FER1L5: variants seen among roughly 807,000 people sequenced by gnomAD.
FER1L5 encodes fer-1 like family member 5.
A neutral mutation model predicts 279.9 loss-of-function variants in FER1L5; 187 were observed. The ratio of observed to expected loss-of-function variants is 0.67; its 90% CI spans 0.59 to 0.75. FER1L5 has a LOEUF of 0.75. Among genes scored for constraint, FER1L5 ranks in the 30% least tolerant of loss-of-function variants. The pLI is 0.00. For synonymous variants in FER1L5, 921 were observed against 989.7 expected, an observed-to-expected ratio of 0.93 and a Z score of 1.30; for missense variants, 2,091 against 2,594.4, an observed-to-expected ratio of 0.81 and a Z score of 4.21.
At chr2:96,693,736 T>A in intron 32 of FER1L5, 49 bp downstream of exon 32, 1 of 1,521,952 alleles carries the variant, frequency 6.6e-7, no homozygotes, top group East Asian at 2.5e-5. Flanking sequence ...CCTCACAGAG[T>A]GGCTGAGGGG....
At chr2:96,649,448 T>A (rs951084334) in intron 4 of FER1L5, among the ~76,000 whole-genome samples, 175 bp from the exon 5 acceptor site, 2 of 152,180 alleles carry the variant, frequency 1.3e-5, no homozygotes, top group African/African-American at 4.8e-5. Flanking sequence ...CACCCATTTA[T>A]AACCTCCCTC....
In FER1L5 at chr2:96,694,357, C is replaced by A; in HGVS notation, c.3637-3C>A. ...GGGCCTCATGCTCCCTGCCCTCCCC[C>A]AGAAGCTTGGAGAGAAGCAGCTGCC... On this transcript the variant is annotated splice_polypyrimidine_tract_variant and splice_region_variant and intron_variant, in intron 33 of 52. Coordinates refer to ENST00000624922, the MANE Select transcript of FER1L5 (RefSeq NM_001293083.2). The surrounding 1 kb of genome is among the most constrained non-coding windows in gnomAD (Gnocchi z 4.6). 2 of 1,546,468 alleles carry A rather than the reference C, an allele frequency of 1.3e-6. No homozygotes were observed. The highest frequency in any genetic ancestry group is 1.2e-5 in the South Asian group (1 of 82,978).
At chr2:96,666,660 T>A (rs572139026) in intron 14 of FER1L5, among the ~76,000 whole-genome samples, 116 of 143,264 alleles carry the variant, frequency 8.1e-4, no homozygotes, top group African/African-American at 2.7e-3. Flanking sequence ...TATTTATTTA[T>A]TTTTTTTTTT....
intron 50 of FER1L5, 39 bp from the exon 51 acceptor site, chr2:96,703,484 G>C (rs1268987208): frequency 6.2e-7 from 1 of 1,612,492 alleles, no homozygotes; most frequent in Non-Finnish European, 8.5e-7. Flanking sequence ...GGCTCCTGCT[G>C]TCTGCACTCA....
At chr2:96,671,378 AC>A (rs2076324665) in intron 18 of FER1L5, among the ~76,000 whole-genome samples, 1 of 152,090 alleles carries the variant, frequency 6.6e-6, no homozygotes, top group South Asian at 2.1e-4. Context: ...GGTTTCAGAG[AC>A]CCTTTGGAAA....
At chr2:96,679,011 T>C (rs968612325) in intron 19 of FER1L5, among the ~76,000 whole-genome samples, 31 of 152,154 alleles carry the variant, frequency 2.0e-4, no homozygotes, top group African/African-American at 7.2e-4. Context: ...CTAAGAACTC[T>C]TTGGTTAACT....
intron 19 of FER1L5, among the ~76,000 whole-genome samples, chr2:96,682,657 A>G (rs994391544): frequency 2.0e-5 from 3 of 152,218 alleles, no homozygotes; most frequent in African/African-American, 7.2e-5. Flanking sequence ...TACCTGGGAC[A>G]CTGCCAAGCA....
At chr2:96,685,558 C>T (rs2076889113) in intron 21 of FER1L5, 129 bp downstream of exon 21, 3 of 787,422 alleles carry the variant, frequency 3.8e-6, no homozygotes, top group Admixed American at 6.1e-5. Flanking sequence ...CAGACCTCTC[C>T]CCAGCGGGAA....
intron 19 of FER1L5, among the ~76,000 whole-genome samples, chr2:96,679,718 A>G (rs750380825): frequency 6.6e-6 from 1 of 152,068 alleles, no homozygotes; most frequent in Non-Finnish European, 1.5e-5. Context: ...GGCTCCATTT[A>G]TGGGTTTAGT....
rs762698691 is a variant in FER1L5, at chr2:96,702,015, G to A, written c.5131G>A (p.Val1711Ile). ...GAAGCTGGGGCCTCCTGGCCCCCAAGTCAACATCAACCCCAGAAAGCCTAA... is the reference window on the plus strand; with the variant it reads ...GAAGCTGGGGCCTCCTGGCCCCCAAATCAACATCAACCCCAGAAAGCCTAA... ...PKKLGPPGPQ[V>I]NINPRKPKRY... is the part of the protein sequence containing the mutation. Residue 1711 changes from valine to isoleucine, a missense_variant, in exon 46 of 53, where the codon GTC becomes ATC. Coordinates refer to ENST00000624922, the MANE Select transcript of FER1L5 (RefSeq NM_001293083.2). This position sits in a 1 kb window ranked among gnomAD's most constrained non-coding sequence, Gnocchi z 4.0. 30 of 1,613,920 alleles carry A rather than the reference G, an allele frequency of 1.9e-5. No homozygotes were observed. In the Middle Eastern group the frequency reaches 1.2e-3, roughly 62 times the overall value.
chr2:96,690,461 C>T (rs755897755), intron 26 of FER1L5, 26 bp from the exon 27 acceptor site: 16 of 1,547,518 alleles, frequency 1.0e-5, no homozygotes, highest in East Asian at 4.9e-5. Context: ...ATGTGCCCCT[C>T]GCTCGCCCTC....
intron 12 of FER1L5, 108 bp from the exon 13 acceptor site, chr2:96,662,107 C>A: frequency 1.8e-6 from 2 of 1,129,870 alleles, no homozygotes; most frequent in Non-Finnish European, 2.6e-6. Flanking sequence ...GCCCAGGGGG[C>A]ACCCCTCTAA....
rs1573918697 is a variant in FER1L5, at chr2:96,686,295, C to T, written c.2174C>T (p.Ala725Val). The change falls in exon 23 of 53, where the codon GCA (alanine) becomes GTA (valine). Residue 725 changes from alanine to valine, a missense_variant. Ala to Val is a moderately conservative substitution (Grantham distance 64). Transcript: ENST00000624922. ...GCCCACTCCGTCCTCTTCTCCCCGG[C>T]AGGGGCTCTGCACTCCGGCAGGCTC... ...VPAHSVLFSP[A>V]GALHSGRLCG... 1 of 1,551,498 alleles carries T rather than the reference C, an allele frequency of 6.4e-7. No homozygotes were observed. The highest frequency in any genetic ancestry group is 1.4e-5 in the African/African-American group (1 of 73,058).
chr2:96,702,298 G>A lies in FER1L5; in HGVS notation c.5160-8G>A, dbSNP rs1467791318. ...CCTCAGCAAAGCCTCAGAGCACAGT[G>A]GCCACAGGTATGAGCTGCGATGCAT... On this transcript the variant is annotated splice_polypyrimidine_tract_variant and splice_region_variant and intron_variant, in intron 46 of 52. Coordinates refer to ENST00000624922, the MANE Select transcript of FER1L5 (RefSeq NM_001293083.2). The surrounding 1 kb of genome is among the most constrained non-coding windows in gnomAD (Gnocchi z 4.0). 8 of 1,609,312 alleles carry A rather than the reference G, an allele frequency of 5.0e-6. No homozygotes were observed. Among genetic ancestry groups the A allele is most frequent in the Non-Finnish European group, 6.8e-6 (8 of 1,177,978 alleles).
rs1338302493 is a variant in FER1L5 at position 96,647,097 on chromosome 2, G to GA, written c.176dup (p.Asn59LysfsTer2). 1 of 1,551,624 alleles carries GA rather than the reference G, an allele frequency of 6.4e-7. No homozygotes were observed. The highest frequency in any genetic ancestry group is 8.7e-7 in the Non-Finnish European group (1 of 1,146,986). On this transcript the variant is annotated frameshift_variant, in exon 3 of 53. Transcript: ENST00000624922. LOFTEE classifies it high-confidence loss of function. Reference sequence around the variant, plus strand: ...CTGGCACCTCTGGAACCGCCCCCTGGAAAATGACTCCTTCCTGCAAGTCAC... The same window carrying GA: ...CTGGCACCTCTGGAACCGCCCCCTGGAAAAATGACTCCTTCCTGCAAGTCAC...
In FER1L5 at chr2:96,691,530, T is replaced by TCCG; in HGVS notation, c.3001_3003dup (p.Arg1001dup). 6.5e-7 allele frequency: 1 copy of TCCG among 1,549,942 alleles called. No homozygotes were observed. The highest frequency in any genetic ancestry group is 8.7e-7 in the Non-Finnish European group (1 of 1,146,504). ...CTCAACCCTCAGCCCCAGAGCCGGT[T>TCCG]CCGCCGCCGCTGCTGGCGCCGCAGG... On this transcript the variant is annotated inframe_insertion, in exon 29 of 53. Coordinates refer to ENST00000624922, the MANE Select transcript of FER1L5 (RefSeq NM_001293083.2). This position sits in a 1 kb window ranked among gnomAD's most constrained non-coding sequence, Gnocchi z 6.0.
In FER1L5 at chr2:96,695,905, G is replaced by C; in HGVS notation, c.4057+1G>C. ...GACTATATGCACCCAAAGCTTCCAA[G>C]TACGGCCCTTCCTCCGTGCCTTTCC... On this transcript the variant is annotated splice_donor_variant, in intron 36 of 52. Transcript: ENST00000624922. LOFTEE classifies it high-confidence loss of function. 6.2e-7 allele frequency: 1 copy of C among 1,613,346 alleles called. No homozygotes were observed. Among genetic ancestry groups the C allele is most frequent in the Non-Finnish European group, 8.5e-7 (1 of 1,179,726 alleles).
In FER1L5 at chr2:96,693,592, C is replaced by G; in HGVS notation, c.3379C>G (p.Leu1127Val). 6.4e-7 allele frequency: 1 copy of G among 1,551,696 alleles called. No individual in the cohort carries two copies. The highest frequency in any genetic ancestry group is 8.7e-7 in the Non-Finnish European group (1 of 1,146,988). Residue 1127 changes from leucine (L) to valine (V), a missense_variant, in exon 32 of 53, where the codon CTC becomes GTC. Coordinates refer to ENST00000624922, the MANE Select transcript of FER1L5 (RefSeq NM_001293083.2). ...TGCAGGCCCCACATGGGCCCAGACA[C>G]TCATCTTCCAGCACCTCCTTCTGTA... ...SSAGPTWAQT[L>V]IFQHLLLYEN...
At chr2:96,697,995 G>A (rs377022602) in intron 39 of FER1L5, 42 bp from the exon 40 acceptor site, 50 of 1,537,754 alleles carry the variant, frequency 3.3e-5, no homozygotes, top group African/African-American at 4.1e-5. Flanking sequence ...TCCTAATCAC[G>A]GGAACAGTCT....
Sources: allele counts gnomAD v4.1 joint callset (sites outside exome capture counted in the v4.1 genomes callset), GRCh38; gene constraint gnomAD v4.1.1; non-coding constraint Gnocchi (gnomAD v3.1); transcripts MANE v1.5; gene names NCBI Gene and HGNC (gene_info 2026-07-23, HGNC 2026-07-21).